MICAL3: variants seen among roughly 807,000 people sequenced by gnomAD.
The protein encoded by MICAL3 is microtubule associated monooxygenase, calponin and LIM domain containing 3, also known as [F-actin]-monooxygenase MICAL3.
In MICAL3, 62 loss-of-function variants were observed where a neutral mutation model predicts 207.4. The observed-to-expected ratio is 0.30, with a 90% CI of 0.24 to 0.37. The LOEUF (loss-of-function observed/expected upper bound fraction) is 0.37. MICAL3 is among the 10% of genes least tolerant of loss of function. The pLI is 1.00. For missense variants in MICAL3, 2,368 were observed against 2,635.6 expected (o/e 0.90, Z 2.22); for synonymous variants, 1,077 against 1,069.3 (o/e 1.01, Z -0.14).
chr22:17,902,658 G>T lies in MICAL3; in HGVS notation c.562C>A (p.Gln188Lys). 1 of 1,604,710 alleles carries T rather than the reference G, an allele frequency of 6.2e-7. No individual in the cohort carries two copies. The highest frequency in any genetic ancestry group is 8.5e-7 in the Non-Finnish European group (1 of 1,174,310). Residue 188 changes from glutamine to lysine, a missense_variant, in exon 4 of 32, where the codon CAG (glutamine) becomes AAG (lysine). Transcript: ENST00000441493. This position sits in a 1 kb window ranked among gnomAD's most constrained non-coding sequence, Gnocchi z 4.5. ...HVNVEFQGLIQPPEDQENERI... is the reference protein window; with the variant it reads ...HVNVEFQGLIKPPEDQENERI... Reference sequence around the variant, plus strand: ...TCATTCTCTTGGTCCTCAGGAGGCTGTATAAGTCCTTGGAATTCCACATTG... The same window carrying T: ...TCATTCTCTTGGTCCTCAGGAGGCTTTATAAGTCCTTGGAATTCCACATTG...
chr22:17,971,285 T>G (rs113023665), intron 1 of MICAL3, among the ~76,000 whole-genome samples: 1 of 152,094 alleles, frequency 6.6e-6, no homozygotes, highest in Non-Finnish European at 1.5e-5. Context: ...CTGGCCAACA[T>G]GGTGAAACCC....
In MICAL3 at chr22:17,841,535, G is replaced by C; in HGVS notation, c.2801+287C>G. 3.6e-6 allele frequency: 2 copies of C among 553,710 alleles called. No homozygotes were observed. The highest frequency in any genetic ancestry group is 6.5e-6 in the Non-Finnish European group (2 of 309,958). The allele number at this position is 553,710 out of a possible 1,614,324, so 34.3% of individuals were successfully genotyped here. ...CCTCTGCTGAATCTGTGAATAACCC[G>C]GGGGCAGAGCCTGCCACTTTCCTTC... On this transcript the variant is annotated intron_variant, in intron 20 of 31. Transcript: ENST00000441493. This position sits in a 1 kb window ranked among gnomAD's most constrained non-coding sequence, Gnocchi z 4.2.
At chr22:17,834,958 C>A (rs8140525) in intron 20 of MICAL3, among the ~76,000 whole-genome samples, 1 of 152,244 alleles carries the variant, frequency 6.6e-6, no homozygotes, top group East Asian at 1.9e-4. Flanking sequence ...GCTGAGCAGC[C>A]GGGGCCTGTG....
Position 17,818,872 on chromosome 22 carries a change from C to T in MICAL3, c.3789G>A (p.Gln1263=), listed in dbSNP as rs367867058. 7.1e-7 allele frequency: 1 copy of T among 1,409,712 alleles called. No individual in the cohort carries two copies. The highest frequency in any genetic ancestry group is 1.5e-5 in the African/African-American group (1 of 66,926). The allele number at this position is 1,409,712 out of a possible 1,614,324, so 87.3% of individuals were successfully genotyped here. The part of the protein sequence containing the change: ...PPPSPLPICS[Q]PQPSTEATVP... ...CAGTGGCCTCGGTGGAAGGCTGGGG[C>T]TGGGAGCAGATGGGGAGTGGGCTGG... Residue 1263 remains glutamine (Q), a synonymous_variant, in exon 26 of 32, where the codon CAG becomes CAA. Transcript: ENST00000441493.
At chr22:17,831,073 C>T (rs374079509) in intron 21 of MICAL3, among the ~76,000 whole-genome samples, 7 of 152,232 alleles carry the variant, frequency 4.6e-5, no homozygotes, top group African/African-American at 9.6e-5. Context: ...ATCCTCTGAC[C>T]GCTGCAGGGA....
At chr22:17,943,123 C>T (rs533084669) in intron 1 of MICAL3, among the ~76,000 whole-genome samples, 160 of 152,316 alleles carry the variant, frequency 1.1e-3, no homozygotes, top group Non-Finnish European at 1.5e-3. Context: ...TCTTCCTACT[C>T]TTTCTTGGGC....
chr22:17,869,249 A>C (rs1220109295), intron 17 of MICAL3, among the ~76,000 whole-genome samples: 1 of 152,140 alleles, frequency 6.6e-6, no homozygotes, highest in African/African-American at 2.4e-5. Context: ...AGCGGCTAGG[A>C]CACTGGTGAG....
chr22:17,989,706 AC>A (rs1344367621), intron 1 of MICAL3, among the ~76,000 whole-genome samples: 5 of 151,720 alleles, frequency 3.3e-5, no homozygotes, highest in African/African-American at 1.2e-4. Context: ...AACTCCTCTC[AC>A]CCATGTGCCA....
intron 22 of MICAL3, among the ~76,000 whole-genome samples, 166 bp downstream of exon 22, chr22:17,827,478 G>A (rs1922324958): frequency 6.6e-6 from 1 of 152,220 alleles, no homozygotes; most frequent in Non-Finnish European, 1.5e-5. Context: ...ATCCTCAGAT[G>A]AAAAGTACAG....
intron 20 of MICAL3, among the ~76,000 whole-genome samples, chr22:17,832,733 TG>T (rs1434207233): frequency 2.6e-5 from 4 of 151,146 alleles, no homozygotes; most frequent in Non-Finnish European, 5.9e-5. Context: ...AGGAGAGCTG[TG>T]GGTGTGGTGG....
intron 1 of MICAL3, among the ~76,000 whole-genome samples, chr22:17,969,959 AGAG>A (rs1230307020): frequency 6.6e-6 from 1 of 152,224 alleles, no homozygotes; most frequent in Non-Finnish European, 1.5e-5. Context: ...GGAGCTCGTC[AGAG>A]GAGAAGGGCA....
chr22:17,877,065 G>A (rs62643862), intron 16 of MICAL3, among the ~76,000 whole-genome samples: 1 of 144,146 alleles, frequency 6.9e-6, no homozygotes, highest in African/African-American at 2.6e-5. Context: ...GGAGGTTATG[G>A]AGGTTAGGGA....
At chr22:17,934,442 T>C (rs1031427844) in intron 1 of MICAL3, among the ~76,000 whole-genome samples, 4 of 152,192 alleles carry the variant, frequency 2.6e-5, no homozygotes, top group South Asian at 2.1e-4. Context: ...AAACTAGGTA[T>C]TGATGGAACT....
intron 1 of MICAL3, among the ~76,000 whole-genome samples, chr22:18,008,477 A>C (rs1351743935): frequency 6.6e-6 from 1 of 152,196 alleles, no homozygotes; most frequent in Non-Finnish European, 1.5e-5. Context: ...GGAAGAACAG[A>C]GTGGTTTAGA....
intron 20 of MICAL3, chr22:17,834,428 A>C (rs1295504401): frequency 7.8e-7 from 1 of 1,286,258 alleles, no homozygotes; most frequent in South Asian, 1.2e-5. Flanking sequence ...AAAGACTCTT[A>C]TGCTCAGCTG....
Position 17,973,443 on chromosome 22 carries a change from G to A in MICAL3, c.-75+50838C>T, listed in dbSNP as rs548231087. 2.0e-5 allele frequency among the ~76,000 whole-genome samples: 3 copies of A among 152,286 alleles called. No individual in the cohort carries two copies. In the East Asian group the frequency reaches 5.8e-4, roughly 29 times the overall value. On this transcript the variant is annotated intron_variant, in intron 1 of 31. Coordinates refer to ENST00000441493, the MANE Select transcript of MICAL3 (RefSeq NM_015241.3). ...TGGGACACCGGCTTGATCATCATGAGGCCCAGGACGGAGCCACACATAGGT... is the reference window on the plus strand; with the variant it reads ...TGGGACACCGGCTTGATCATCATGAAGCCCAGGACGGAGCCACACATAGGT...
intron 1 of MICAL3, among the ~76,000 whole-genome samples, chr22:17,966,351 T>C (rs937597552): frequency 6.6e-6 from 1 of 152,136 alleles, no homozygotes; most frequent in African/African-American, 2.4e-5. Context: ...TCTCCAGCCT[T>C]ATTCCAGAAC....
At chr22:17,836,275 C>T (rs983137203) in intron 20 of MICAL3, among the ~76,000 whole-genome samples, 2 of 152,218 alleles carry the variant, frequency 1.3e-5, no homozygotes, top group African/African-American at 4.8e-5. Context: ...CAGCCCTGAC[C>T]GCGTGCCCGC....
At chr22:18,002,368 C>T (rs567246411) in intron 1 of MICAL3, among the ~76,000 whole-genome samples, 11 of 152,104 alleles carry the variant, frequency 7.2e-5, no homozygotes, top group Non-Finnish European at 1.0e-4. Context: ...CGGTGGCACA[C>T]GCCTGTAATC....
Sources: allele counts gnomAD v4.1 joint callset (sites outside exome capture counted in the v4.1 genomes callset), GRCh38; gene constraint gnomAD v4.1.1; non-coding constraint Gnocchi (gnomAD v3.1); transcripts MANE v1.5; gene names NCBI Gene and HGNC (gene_info 2026-07-23, HGNC 2026-07-21).